Variants in ZNF879 observed in about 807,000 individuals in gnomAD.
ZNF879 encodes zinc finger protein 879.
In ZNF879, 32 loss-of-function variants were observed where a neutral mutation model predicts 44.3. The observed-to-expected ratio is 0.72, with a 90% confidence interval of 0.54 to 0.97. The LOEUF is 0.97. ZNF879 is among the 50% of genes least tolerant of loss of function. The pLI is 0.00. For missense variants in ZNF879, 621 were observed against 669.7 expected (o/e 0.93, Z 0.80); for synonymous variants, 234 against 233.2 (o/e 1.00, Z -0.03).
Position 179,033,003 on chromosome 5 carries a change from CCTTCA to C in ZNF879, c.1061_1065del (p.Thr354AsnfsTer6), listed in dbSNP as rs1216757991. 1.3e-6 allele frequency: 2 copies of C among 1,556,338 alleles called. No homozygotes were observed. The highest frequency in any genetic ancestry group is 2.0e-5 in the Admixed American group (1 of 51,210). On this transcript the variant is annotated frameshift_variant, in exon 5 of 5. Transcript: ENST00000444149. LOFTEE classifies it high-confidence loss of function. The stretch of plus-strand genomic sequence containing the variant: ...TATGAATGTACTCAGTGTGGGAAAG[CCTTCA>C]CTTCAATATCGCGGCTAAGTAGGCA...
rs1005998652 is a variant in ZNF879, at chr5:179,027,484, G to A, written c.45G>A (p.Thr15=). The A allele has an allele frequency of 1.2e-5, 20 of 1,614,030 alleles. No homozygotes were observed. The highest frequency in any genetic ancestry group is 1.6e-4 in the Middle Eastern group (1 of 6,062). The change falls in exon 3 of 5, where the codon ACG becomes ACA. Residue 15 remains threonine, a synonymous_variant. Coordinates refer to ENST00000444149, the MANE Select transcript of ZNF879 (RefSeq NM_001136116.3). ...GTTTGCCATTCCAGGAGTCCGTGACGTTCAGGGATGTGGCCGTGTTCTTCA... is the reference window on the plus strand; with the variant it reads ...GTTTGCCATTCCAGGAGTCCGTGACATTCAGGGATGTGGCCGTGTTCTTCA... ...LLPAHVQESV[T]FRDVAVFFSQ...
At chr5:179,025,308 C>G (rs1472911246) in intron 2 of ZNF879, among the ~76,000 whole-genome samples, 1 of 152,002 alleles carries the variant, frequency 6.6e-6, no homozygotes, top group Non-Finnish European at 1.5e-5. Context: ...CAGCCTCAAC[C>G]TCCCTGGTAG....
chr5:179,026,393 T>C (rs1005661677), intron 2 of ZNF879, among the ~76,000 whole-genome samples: 3 of 152,240 alleles, frequency 2.0e-5, no homozygotes, highest in Non-Finnish European at 4.4e-5. Context: ...AGTTAACTTT[T>C]TCTGGTGGTA....
At chr5:179,027,955 C>G (rs990907254) in intron 3 of ZNF879, 77 bp from the exon 4 acceptor site, 7 of 1,256,120 alleles carry the variant, frequency 5.6e-6, no homozygotes, top group African/African-American at 1.5e-5. Context: ...CCTGTACTGC[C>G]CCTCTGCCCT....
At chr5:179,027,321 C>T (rs1198805670) in intron 2 of ZNF879, 152 bp from the exon 3 acceptor site, 11 of 1,115,706 alleles carry the variant, frequency 9.9e-6, no homozygotes, top group Non-Finnish European at 1.2e-5. Flanking sequence ...GTTTCACTCA[C>T]CATAGGTAAA....
rs566204932 is a variant in ZNF879, at chr5:179,028,126, C to G, written c.255C>G (p.Leu85=). 2 of 1,551,388 alleles carry G rather than the reference C, an allele frequency of 1.3e-6. No individual in the cohort carries two copies. The highest frequency in any genetic ancestry group is 2.0e-5 in the Admixed American group (1 of 51,004). ...GTGGAGTTCCCCAAGGCGCACATCT[C>G]GGTGAGTGACAGAGTAATTGGGAGA... ...VESGVPQGAH[L]GWESLFGTIV... Residue 85 remains leucine, a splice_region_variant and synonymous_variant, in exon 4 of 5, where the codon CTC becomes CTG. Coordinates refer to ENST00000444149, the MANE Select transcript of ZNF879 (RefSeq NM_001136116.3).
intron 4 of ZNF879, 98 bp from the exon 5 acceptor site, chr5:179,032,107 T>C (rs1761432049): frequency 1.1e-6 from 1 of 944,704 alleles, no homozygotes; most frequent in Admixed American, 3.3e-5. Flanking sequence ...TTTTCTAAGA[T>C]TTCAAGGCTT....
rs1761475581 is a variant in ZNF879 at position 179,033,002 on chromosome 5, G to A, written c.1054G>A (p.Ala352Thr). 4 of 1,556,610 alleles carry A rather than the reference G, an allele frequency of 2.6e-6. No individual in the cohort carries two copies. In the African/African-American group the frequency reaches 4.1e-5, roughly 16 times the overall value. The part of the protein sequence containing the change: ...KPYECTQCGK[A>T]FTSISRLSRH... ...GTATGAATGTACTCAGTGTGGGAAA[G>A]CCTTCACTTCAATATCGCGGCTAAG... The change falls in exon 5 of 5, where the codon GCC (alanine) becomes ACC (threonine). Residue 352 changes from alanine (A) to threonine (T), a missense_variant. Ala to Thr is a moderately conservative substitution (Grantham distance 58, BLOSUM62 0). Coordinates refer to ENST00000444149, the MANE Select transcript of ZNF879 (RefSeq NM_001136116.3).
intron 2 of ZNF879, 63 bp downstream of exon 2, chr5:179,025,100 T>A: frequency 6.5e-7 from 1 of 1,530,828 alleles, no homozygotes; most frequent in Non-Finnish European, 8.9e-7. Context: ...AACTTCTTCA[T>A]CTGTTGTTGA....
At position 179,027,523 on chromosome 5, in the gene ZNF879, G is replaced by T; in HGVS notation, c.84G>T (p.Trp28Cys). The change falls in exon 3 of 5, where the codon TGG becomes TGT. Residue 28 changes from tryptophan to cysteine, a missense_variant. Physicochemically the swap from Trp to Cys is radical, Grantham distance 215. Coordinates refer to ENST00000444149, the MANE Select transcript of ZNF879 (RefSeq NM_001136116.3). ...CCGTGTTCTTCAGCCAGGACGAGTG[G>T]TTGCACCTGGACTCTGCCCAGAGAG... Reference protein sequence around the residue: ...DVAVFFSQDEWLHLDSAQRAL... With the variant: ...DVAVFFSQDECLHLDSAQRAL... 2 of 1,614,164 alleles carry T rather than the reference G, an allele frequency of 1.2e-6. No homozygotes were observed. Among genetic ancestry groups the T allele is most frequent in the Non-Finnish European group, 1.7e-6 (2 of 1,180,030 alleles).
chr5:179,030,187 T>C lies in ZNF879; in HGVS notation c.257-2018T>C, dbSNP rs78761353. On this transcript the variant is annotated intron_variant, in intron 4 of 4. Transcript: ENST00000444149. ...CCATTTTTCCCTTATTACCAAGGATTAAGAAATAGATACCCAATGTGTTGC... is the reference window on the plus strand; with the variant it reads ...CCATTTTTCCCTTATTACCAAGGATCAAGAAATAGATACCCAATGTGTTGC... Among the ~76,000 whole-genome samples, 273 of 152,326 alleles carry C rather than the reference T, an allele frequency of 1.8e-3. 1 individual carries two copies. Among genetic ancestry groups the C allele is most frequent in the African/African-American group, 6.2e-3 (257 of 41,574 alleles).
chr5:179,024,517 TAAAG>T (rs1761204814), intron 1 of ZNF879: 1 of 153,108 alleles, frequency 6.5e-6, no homozygotes, highest in African/African-American at 2.4e-5. Flanking sequence ...CTGTTTTTGA[TAAAG>T]GAAGTAAATC....
Position 179,033,696 on chromosome 5 carries a change from A to G in ZNF879, c.*56A>G, listed in dbSNP as rs75280429. The G allele has an allele frequency of 3.2e-3, 4,179 of 1,299,746 alleles. 171 individuals carry two copies. In the East Asian group the frequency reaches 0.09, roughly 28 times the overall value. 80.5% of individuals were successfully genotyped at this position (1,299,746 alleles called of 1,614,324 possible). ...AAGTTATATTCCATACTGAGTATCA[A>G]AAAATTCATTGTGGGGAGAAAGTGA... On this transcript the variant is annotated 3_prime_UTR_variant, in exon 5 of 5. Transcript: ENST00000444149.
In ZNF879 at chr5:179,028,128, G is replaced by A; in HGVS notation, c.256+1G>A. 1 of 1,551,426 alleles carries A rather than the reference G, an allele frequency of 6.4e-7. No individual in the cohort carries two copies. On this transcript the variant is annotated splice_donor_variant, in intron 4 of 4. Transcript: ENST00000444149. LOFTEE classifies it high-confidence loss of function. ...GGAGTTCCCCAAGGCGCACATCTCG[G>A]TGAGTGACAGAGTAATTGGGAGATG...
intron 1 of ZNF879, 101 bp downstream of exon 1, chr5:179,024,005 G>C (rs765493753): frequency 5.3e-5 from 8 of 152,174 alleles, no homozygotes; most frequent in Non-Finnish European, 5.9e-5. Flanking sequence ...CCCCGGCTCC[G>C]GGCGTCCGAG....
rs1022293467 is a variant in ZNF879, at chr5:179,028,092, T to G, written c.221T>G (p.Met74Arg). The change falls in exon 4 of 5, where the codon ATG becomes AGG. Residue 74 changes from methionine (M) to arginine (R), a missense_variant. Physicochemically the swap from Met to Arg is moderately conservative, Grantham distance 91. Transcript: ENST00000444149. ...TTAGAGCAAGGAGAAGACCCCTGGATGGTGGAGAGTGGAGTTCCCCAAGGC... is the reference window on the plus strand; with the variant it reads ...TTAGAGCAAGGAGAAGACCCCTGGAGGGTGGAGAGTGGAGTTCCCCAAGGC... ...SQLEQGEDPW[M>R]VESGVPQGAH... is the part of the protein sequence containing the mutation. 6.4e-7 allele frequency: 1 copy of G among 1,551,308 alleles called. No homozygotes were observed.
At chr5:179,027,702 C>A in intron 3 of ZNF879, 103 bp downstream of exon 3, 4 of 1,435,678 alleles carry the variant, frequency 2.8e-6, no homozygotes, top group Non-Finnish European at 3.8e-6. Context: ...CAGGTGGGCT[C>A]CAAGAGTGGC....
Position 179,032,701 on chromosome 5 carries a change from G to A in ZNF879, c.753G>A (p.Leu251=). ...FSQSSSLTQH[L]RVHTGEKPYI... ...AAAGCTCATCCCTAACTCAGCACTT[G>A]AGGGTTCATACAGGAGAGAAACCTT... The change falls in exon 5 of 5, where the codon TTG becomes TTA. Residue 251 remains leucine (L), a synonymous_variant. Coordinates refer to ENST00000444149, the MANE Select transcript of ZNF879 (RefSeq NM_001136116.3). The A allele has an allele frequency of 6.4e-7, 1 of 1,559,540 alleles. No individual in the cohort carries two copies. Among genetic ancestry groups the A allele is most frequent in the Non-Finnish European group, 8.7e-7 (1 of 1,151,986 alleles).
intron 2 of ZNF879, 48 bp from the exon 3 acceptor site, chr5:179,027,425 C>T (rs369064531): frequency 4.9e-5 from 79 of 1,606,296 alleles, no homozygotes; most frequent in African/African-American, 1.2e-4. Flanking sequence ...TCAGTCTTCT[C>T]GTTGTGGGGA....
Sources: gnomAD v4.1 joint callset for allele counts (sites outside exome capture counted in the v4.1 genomes callset) on GRCh38, gnomAD v4.1.1 for gene constraint, MANE v1.5 for transcripts, NCBI Gene and HGNC (gene_info 2026-07-23, HGNC 2026-07-21) for gene names.